RAPGEFL1: variants seen among roughly 807,000 people sequenced by gnomAD.
RAPGEFL1 encodes the protein rap guanine nucleotide exchange factor-like 1.
Under a neutral mutation model 64.4 loss-of-function variants are expected in RAPGEFL1, and 31 were observed. The ratio of observed to expected loss-of-function variants is 0.48; its 90% CI spans 0.36 to 0.65. RAPGEFL1 has a LOEUF of 0.65. Among genes scored for constraint, RAPGEFL1 ranks in the 30% least tolerant of loss-of-function variants. RAPGEFL1 has a pLI of 0.00. For missense variants in RAPGEFL1, 682 were observed against 677.4 expected (o/e 1.01, Z -0.08); for synonymous variants, 331 against 274.1 (o/e 1.21, Z -2.05).
intron 13 of RAPGEFL1, 55 bp downstream of exon 13, chr17:40,193,045 C>T: frequency 3.4e-6 from 5 of 1,479,916 alleles, no homozygotes; most frequent in Non-Finnish European, 4.7e-6. Flanking sequence ...CTTGCATCCT[C>T]TCCCTCTCTC....
At chr17:40,181,389 T>A in intron 1 of RAPGEFL1, 29 of 566,632 alleles carry the variant, frequency 5.1e-5, no homozygotes, top group Middle Eastern at 2.7e-4. Flanking sequence ...CGCCCCCCCC[T>A]TCCCTTCAGC....
Position 40,191,199 on chromosome 17 carries a change from ACCCCTTCCG to A in RAPGEFL1, c.1336-112_1336-104del. The A allele has an allele frequency of 2.2e-6, 2 of 905,762 alleles. No individual in the cohort carries two copies. The highest frequency in any genetic ancestry group is 3.2e-6 in the Non-Finnish European group (2 of 627,780). 56.1% of individuals were successfully genotyped at this position (905,762 alleles called of 1,614,324 possible). ...TGTCCTTTCTATTTTTCTATTTTCCACCCCTTCCGCCCCCGCCCTCCTGCCTTTCGCTCC... is the reference window on the plus strand; with the variant it reads ...TGTCCTTTCTATTTTTCTATTTTCCACCCCCGCCCTCCTGCCTTTCGCTCC... On this transcript the variant is annotated intron_variant, in intron 8 of 14. Transcript: ENST00000620260. This position sits in a 1 kb window ranked among gnomAD's most constrained non-coding sequence, Gnocchi z 5.1.
chr17:40,189,217 G>A lies in RAPGEFL1; in HGVS notation c.956G>A (p.Arg319His), dbSNP rs757127088. 14 of 1,614,044 alleles carry A rather than the reference G, an allele frequency of 8.7e-6. No homozygotes were observed. The highest frequency in any genetic ancestry group is 6.7e-5 in the Admixed American group (4 of 60,014). The change falls in exon 6 of 15, where the codon CGT (arginine) becomes CAT (histidine). Residue 319 changes from arginine to histidine, a missense_variant. Physicochemically the swap from Arg to His is conservative, Grantham distance 29 (BLOSUM62 0). Transcript: ENST00000620260. ...AFRGSDEIFCRVYMPDHSYVT... is the reference protein window; with the variant it reads ...AFRGSDEIFCHVYMPDHSYVT... ...TCCTGTTTCCGTCCAGTCTTCTGCC[G>A]TGTATACATGCCTGACCACTCTTAT...
chr17:40,178,582 C>G (rs760418955), intron 1 of RAPGEFL1, among the ~76,000 whole-genome samples: 13 of 152,228 alleles, frequency 8.5e-5, no homozygotes, highest in Non-Finnish European at 1.6e-4. Context: ...CCTACAGCAG[C>G]CTCACCCTCG....
Position 40,190,422 on chromosome 17 carries a change from T to C in RAPGEFL1, c.1115-12T>C. On this transcript the variant is annotated splice_polypyrimidine_tract_variant and intron_variant, in intron 6 of 14. Coordinates refer to ENST00000620260, the MANE Select transcript of RAPGEFL1 (RefSeq NM_016339.6). ...GGCAGGGGCCGAGGATGAGCAGCTC[T>C]TTCTCCTGCAGAGAAGGTCCTTCTC... The C allele has an allele frequency of 1.2e-6, 2 of 1,613,172 alleles. No individual in the cohort carries two copies. Among genetic ancestry groups the C allele is most frequent in the Non-Finnish European group, 1.7e-6 (2 of 1,179,108 alleles).
rs748307276 is a variant in RAPGEFL1 at position 40,189,252 on chromosome 17, C to T, written c.991C>T (p.Arg331Cys). 3.1e-6 allele frequency: 5 copies of T among 1,614,116 alleles called. No individual in the cohort carries two copies. The highest frequency in any genetic ancestry group is 1.7e-5 in the Admixed American group (1 of 60,022). The change falls in exon 6 of 15, where the codon CGC (arginine) becomes TGC (cysteine). Residue 331 changes from arginine to cysteine, a missense_variant. Arg to Cys is a radical substitution (Grantham distance 180, BLOSUM62 -3). Coordinates refer to ENST00000620260, the MANE Select transcript of RAPGEFL1 (RefSeq NM_016339.6). ...YMPDHSYVTIRSRLSASVQDI... is the reference protein window; with the variant it reads ...YMPDHSYVTICSRLSASVQDI... ...GCCTGACCACTCTTATGTGACCATACGCAGCCGCCTTTCAGCATCTGTGCA... is the reference window on the plus strand; with the variant it reads ...GCCTGACCACTCTTATGTGACCATATGCAGCCGCCTTTCAGCATCTGTGCA...
chr17:40,181,467 C>T (rs1037377513), intron 1 of RAPGEFL1, 149 bp from the exon 2 acceptor site: 70 of 674,116 alleles, frequency 1.0e-4, no homozygotes, highest in East Asian at 4.0e-4. Flanking sequence ...TATGTGTGCG[C>T]GTGTGCAGAG....
rs2145195110 is a variant in RAPGEFL1, at chr17:40,177,543, G to A, written c.-319G>A. The A allele has an allele frequency of 3.8e-6, 2 of 524,888 alleles. No homozygotes were observed. Among genetic ancestry groups the A allele is most frequent in the Non-Finnish European group, 6.7e-6 (2 of 300,596 alleles). 32.5% of individuals were successfully genotyped at this position (524,888 alleles called of 1,614,324 possible). On this transcript the variant is annotated 5_prime_UTR_variant, in exon 1 of 15. Coordinates refer to ENST00000620260, the MANE Select transcript of RAPGEFL1 (RefSeq NM_016339.6). Reference sequence around the variant, plus strand: ...CCGCGTCCTCTCAGCCTTGCGCTCCGCCCGCTGCCTCTGCCGCCGCAGCGC... The same window carrying A: ...CCGCGTCCTCTCAGCCTTGCGCTCCACCCGCTGCCTCTGCCGCCGCAGCGC...
intron 4 of RAPGEFL1, among the ~76,000 whole-genome samples, chr17:40,187,188 CAGTT>C (rs1698279716): frequency 6.6e-6 from 1 of 151,990 alleles, no homozygotes; most frequent in Non-Finnish European, 1.5e-5. Flanking sequence ...CTTTAAAAAA[CAGTT>C]GGTAAAATTC....
chr17:40,193,136 C>A, intron 13 of RAPGEFL1, 146 bp downstream of exon 13: 1 of 961,730 alleles, frequency 1.0e-6, no homozygotes, highest in Non-Finnish European at 1.6e-6. Flanking sequence ...GGTGGCATCA[C>A]TGTGGCAACC....
chr17:40,184,153 A>T (rs2145207080), intron 2 of RAPGEFL1, 61 bp from the exon 3 acceptor site: 5 of 1,256,846 alleles, frequency 4.0e-6, no homozygotes, highest in African/African-American at 1.5e-5. Context: ...CTAGCCTCCC[A>T]TCTTTCTTCT....
chr17:40,192,572 T>C, intron 11 of RAPGEFL1, 34 bp from the exon 12 acceptor site: 1 of 1,563,070 alleles, frequency 6.4e-7, no homozygotes, highest in Non-Finnish European at 8.8e-7. Flanking sequence ...CATTGGCCAG[T>C]CTGTCCCTTG....
At chr17:40,183,552 T>C (rs1156331021) in intron 2 of RAPGEFL1, among the ~76,000 whole-genome samples, 2 of 148,844 alleles carry the variant, frequency 1.3e-5, no homozygotes, top group African/African-American at 5.0e-5. Flanking sequence ...GGAGTTTTGC[T>C]CTTATTGCCC....
At chr17:40,181,209 T>C (rs186433151) in intron 1 of RAPGEFL1, 2 of 423,448 alleles carry the variant, frequency 4.7e-6, no homozygotes, top group African/African-American at 2.0e-5. Flanking sequence ...TACACACACA[T>C]GCACACACAC....
chr17:40,182,242 TGAA>T (rs1989917084), intron 2 of RAPGEFL1, among the ~76,000 whole-genome samples: 1 of 152,310 alleles, frequency 6.6e-6, no homozygotes, highest in Middle Eastern at 3.4e-3. Context: ...TTAGCTGCTA[TGAA>T]GATCAGTCTG....
At chr17:40,182,533 C>T (rs1240480427) in intron 2 of RAPGEFL1, among the ~76,000 whole-genome samples, 1 of 152,178 alleles carries the variant, frequency 6.6e-6, no homozygotes, top group Non-Finnish European at 1.5e-5. Flanking sequence ...AGGCTGGTCT[C>T]GAACTCCTGA....
At chr17:40,187,191 T>C (rs1451932920) in intron 4 of RAPGEFL1, among the ~76,000 whole-genome samples, 8 of 152,126 alleles carry the variant, frequency 5.3e-5, no homozygotes, top group African/African-American at 1.9e-4. Context: ...TAAAAAACAG[T>C]TGGTAAAATT....
chr17:40,193,103 A>G (rs1313473290), intron 13 of RAPGEFL1, 113 bp downstream of exon 13: 44 of 1,106,574 alleles, frequency 4.0e-5, no homozygotes, highest in Non-Finnish European at 5.5e-5. Context: ...CAGCTTGCCT[A>G]ACAGACTCTT....
chr17:40,191,652 C>G lies in RAPGEFL1; in HGVS notation c.1585C>G (p.Arg529Gly), dbSNP rs372980399. The change falls in exon 10 of 15, where the codon CGC becomes GGC. Residue 529 changes from arginine to glycine, a missense_variant. Physicochemically the swap from Arg to Gly is moderately radical, Grantham distance 125 (BLOSUM62 -2). This residue lies in a region of RAPGEFL1 where 411 missense variants were observed against 519.4 expected (regional missense o/e 0.79). Transcript: ENST00000620260. The surrounding 1 kb of genome is among the most constrained non-coding windows in gnomAD (Gnocchi z 5.1). ...VMGLDNAAVS[R>G]LRLTWEKLPG... ...GGGGCTGGACAACGCCGCTGTCAGC[C>G]GCCTTCGACTCACCTGGGAGGTGAT... The G allele has an allele frequency of 1.4e-5, 23 of 1,612,402 alleles. No individual in the cohort carries two copies. The highest frequency in any genetic ancestry group is 2.5e-6 in the Non-Finnish European group (3 of 1,179,552).
Sources: gnomAD v4.1 joint callset for allele counts (sites outside exome capture counted in the v4.1 genomes callset) on GRCh38, gnomAD v4.1.1 for gene constraint, gnomAD v4.1.1 regional missense constraint, Gnocchi (gnomAD v3.1) non-coding constraint, MANE v1.5 for transcripts, NCBI Gene and HGNC (gene_info 2026-07-23, HGNC 2026-07-21) for gene names.